The following GPM6A variants were observed in gnomAD, a reference collection of about 807,000 sequenced individuals.
The protein encoded by GPM6A is glycoprotein M6A, also known as neuronal membrane glycoprotein M6-a.
A neutral mutation model predicts 32.1 loss-of-function variants in GPM6A; 7 were observed. The observed-to-expected ratio is 0.22, with a 90% CI of 0.12 to 0.41. The LOEUF is 0.41. Among genes scored for constraint, GPM6A ranks in the 10% least tolerant of loss-of-function variants. The pLI is 1.00. For synonymous variants in GPM6A, 130 were observed against 123.4 expected, an observed-to-expected ratio of 1.05 and a Z score of -0.35; for missense variants, 235 against 347.2, an observed-to-expected ratio of 0.68 and a Z score of 2.57.
At chr4:175,901,715 C>T in intron 1 of GPM6A, among the ~76,000 whole-genome samples, 1 of 149,588 alleles carries the variant, frequency 6.7e-6, no homozygotes, top group Admixed American at 6.7e-5. Flanking sequence ...CAACCTCCGC[C>T]TCCTCAGTTC....
intron 1 of GPM6A, among the ~76,000 whole-genome samples, chr4:175,911,597 T>G (rs760090495): frequency 6.6e-5 from 10 of 152,162 alleles, no homozygotes; most frequent in Non-Finnish European, 1.0e-4. Flanking sequence ...GGGTGAAAAG[T>G]GATGAGTGAC....
At chr4:175,991,480 T>C (rs1260029279) in intron 1 of GPM6A, among the ~76,000 whole-genome samples, 2 of 152,112 alleles carry the variant, frequency 1.3e-5, no homozygotes, top group Non-Finnish European at 2.9e-5. Flanking sequence ...TATCCTTTTA[T>C]ACTATTTAGT....
intron 1 of GPM6A, chr4:175,962,132 G>A: frequency 1.3e-6 from 1 of 790,736 alleles, no homozygotes; most frequent in Non-Finnish European, 2.3e-6. Flanking sequence ...CGGACCCAGT[G>A]ACAATGTTAC....
At chr4:175,919,199 T>TC (rs1199762543) in intron 1 of GPM6A, among the ~76,000 whole-genome samples, 1 of 152,178 alleles carries the variant, frequency 6.6e-6, no homozygotes, top group East Asian at 1.9e-4. Flanking sequence ...TTCTTTTTTT[T>TC]CCCCTTCTCA....
At chr4:175,946,929 A>T (rs531478816) in intron 1 of GPM6A, among the ~76,000 whole-genome samples, 6 of 152,254 alleles carry the variant, frequency 3.9e-5, no homozygotes, top group African/African-American at 1.4e-4. Context: ...GGAAGCCAAA[A>T]CTGGAGATTA....
chr4:175,806,638 A>C (rs1367133220), intron 1 of GPM6A, among the ~76,000 whole-genome samples: 3 of 152,262 alleles, frequency 2.0e-5, no homozygotes, highest in Non-Finnish European at 4.4e-5. Flanking sequence ...ACAACAATGC[A>C]GAAGTTCTAC....
At chr4:175,720,591 C>T (rs145592196) in intron 1 of GPM6A, among the ~76,000 whole-genome samples, 40 of 152,248 alleles carry the variant, frequency 2.6e-4, no homozygotes, top group Middle Eastern at 6.8e-3. Context: ...TAGCTTTATA[C>T]GTCCTGCATT....
chr4:175,653,744 C>G (rs1364983718), intron 3 of GPM6A, among the ~76,000 whole-genome samples: 2 of 152,052 alleles, frequency 1.3e-5, no homozygotes, highest in Admixed American at 1.3e-4. Context: ...AATAACACTT[C>G]CCCCTTATTT....
intron 1 of GPM6A, among the ~76,000 whole-genome samples, chr4:175,804,491 C>G (rs1312944552): frequency 6.6e-6 from 1 of 152,044 alleles, no homozygotes; most frequent in Non-Finnish European, 1.5e-5. Context: ...TGGCCCTTGA[C>G]TAAATAGTGT....
Position 175,780,136 on chromosome 4 carries a change from C to T in GPM6A, c.37+32055G>A, listed in dbSNP as rs562420751. Among the ~76,000 whole-genome samples the T allele has an allele frequency of 2.0e-5, 3 of 152,012 alleles. No individual in the cohort carries two copies. In the East Asian group the frequency reaches 5.8e-4, roughly 29 times the overall value. On this transcript the variant is annotated intron_variant, in intron 1 of 6. Coordinates refer to ENST00000393658, the MANE Select transcript of GPM6A (RefSeq NM_201591.3). ...GATCTCGGCTCACTGCAACCTCCGC[C>T]TCCCAGGTTCAAGGGATTCTCTTGC...
intron 1 of GPM6A, among the ~76,000 whole-genome samples, chr4:175,739,777 C>T (rs981110165): frequency 2.6e-5 from 4 of 152,010 alleles, no homozygotes; most frequent in Non-Finnish European, 5.9e-5. Flanking sequence ...ATGTGCTGAG[C>T]CACCATAATC....
chr4:175,651,809 G>T, intron 4 of GPM6A, 25 bp downstream of exon 4: 4 of 1,595,548 alleles, frequency 2.5e-6, no homozygotes, highest in Non-Finnish European at 3.4e-6. Context: ...GTGTTTTACA[G>T]TTTAGAGATC....
At chr4:175,873,953 A>C (rs1560974433) in intron 1 of GPM6A, among the ~76,000 whole-genome samples, 1 of 152,208 alleles carries the variant, frequency 6.6e-6, no homozygotes, top group Non-Finnish European at 1.5e-5. Context: ...TTATTAATTT[A>C]ACAATTATTG....
chr4:175,945,888 ATATTACGTACAACTAAGTAATACG>A (rs1403261372), intron 1 of GPM6A, among the ~76,000 whole-genome samples: 3 of 147,604 alleles, frequency 2.0e-5, no homozygotes, highest in Non-Finnish European at 4.5e-5. Context: ...ATACGGGTGC[ATATTACGTACAACTAAGTAATACG>A]GGTGCATATT....
intron 1 of GPM6A, among the ~76,000 whole-genome samples, chr4:175,708,038 T>C (rs1233753494): frequency 6.6e-6 from 1 of 152,232 alleles, no homozygotes; most frequent in Non-Finnish European, 1.5e-5. Flanking sequence ...CATTTATCAA[T>C]GTATCCAACA....
intron 1 of GPM6A, among the ~76,000 whole-genome samples, chr4:175,930,563 T>C (rs1739004151): frequency 6.6e-6 from 1 of 152,022 alleles, no homozygotes; most frequent in African/African-American, 2.4e-5. Context: ...ACTCTGAATT[T>C]CAGTTTTATA....
At chr4:175,646,385 T>C (rs867433944) in intron 4 of GPM6A, among the ~76,000 whole-genome samples, 2 of 152,212 alleles carry the variant, frequency 1.3e-5, no homozygotes, top group Admixed American at 1.3e-4. Context: ...TCCTTTTGAA[T>C]AGCACACACT....
chr4:175,923,526 T>G (rs72704536), intron 1 of GPM6A, among the ~76,000 whole-genome samples: 3,103 of 150,602 alleles, frequency 0.021, 54 homozygotes, highest in African/African-American at 0.036. Context: ...AGTTTTGGGG[T>G]TTTTTTTGTT....
At chr4:175,781,785 A>C (rs879895815) in intron 1 of GPM6A, among the ~76,000 whole-genome samples, 3 of 152,184 alleles carry the variant, frequency 2.0e-5, no homozygotes, top group Admixed American at 2.0e-4. Context: ...CTCCTGTGCC[A>C]ATGTCCTGTG....
Sources: allele counts gnomAD v4.1 joint callset (sites outside exome capture counted in the v4.1 genomes callset), GRCh38; gene constraint gnomAD v4.1.1; transcripts MANE v1.5; gene names NCBI Gene and HGNC (gene_info 2026-07-23, HGNC 2026-07-21).